Variants in OPN3 observed in about 807,000 individuals in gnomAD.
The protein encoded by OPN3 is opsin-3.
A neutral mutation model predicts 33.8 loss-of-function variants in OPN3; 29 were observed. The observed-to-expected ratio is 0.86, with a 90% CI of 0.64 to 1.17. OPN3 has a LOEUF of 1.17. Among genes scored for constraint, OPN3 ranks in the 50% most tolerant of loss-of-function variants. The probability of loss-of-function intolerance (pLI) is 0.00; values close to 1 mark genes in which losing one functional copy is unlikely to be tolerated. For missense variants in OPN3, 437 were observed against 514.1 expected, an observed-to-expected ratio of 0.85 and a Z score of 1.45; for synonymous variants, 216 against 216.1, an observed-to-expected ratio of 1.00 and a Z score of 0.00.
intron 1 of OPN3, chr1:241,630,260 T>G (rs1451779277): frequency 6.6e-6 from 1 of 152,068 alleles, no homozygotes; most frequent in Non-Finnish European, 1.5e-5. Flanking sequence ...ATGTACTACT[T>G]TTCCACTACA....
chr1:241,612,190 C>A (rs1264507034), intron 1 of OPN3, among the ~76,000 whole-genome samples: 1 of 152,156 alleles, frequency 6.6e-6, no homozygotes, highest in Non-Finnish European at 1.5e-5. Flanking sequence ...TCTGGATGGA[C>A]TGTGTTTCAA....
At chr1:241,625,507 T>A (rs1664395017) in intron 1 of OPN3, among the ~76,000 whole-genome samples, 1 of 152,198 alleles carries the variant, frequency 6.6e-6, no homozygotes, top group South Asian at 2.1e-4. Context: ...CTGGATAAAA[T>A]TATTTTAAAA....
At chr1:241,634,000 A>G (rs776082599) in intron 1 of OPN3, 1 of 1,613,974 alleles carries the variant, frequency 6.2e-7, no homozygotes. Context: ...CTTGCTTGAC[A>G]GCATGCTCAT....
intron 1 of OPN3, among the ~76,000 whole-genome samples, chr1:241,606,571 A>AAATAAATG (rs1663836414): frequency 6.7e-6 from 1 of 150,118 alleles, no homozygotes; most frequent in Non-Finnish European, 1.5e-5. Context: ...ATAAATAAAT[A>AAATAAATG]AATAAATAAA....
At chr1:241,634,035 A>G (rs759790506) in intron 1 of OPN3, 7 of 1,613,644 alleles carry the variant, frequency 4.3e-6, no homozygotes, top group South Asian at 1.1e-5. Context: ...TCAGGCCCAG[A>G]GCAGACATAA....
intron 1 of OPN3, chr1:241,636,194 GC>G (rs1664890477): frequency 2.5e-6 from 1 of 398,196 alleles, no homozygotes; most frequent in South Asian, 1.3e-4. Context: ...CTCTACTAAA[GC>G]ATGTCTTAAA....
chr1:241,614,862 TTGA>T (rs1664084237), intron 1 of OPN3, among the ~76,000 whole-genome samples: 1 of 151,446 alleles, frequency 6.6e-6, no homozygotes, highest in African/African-American at 2.4e-5. Flanking sequence ...CTTAGACTTT[TTGA>T]CTTGCCTCTG....
At chr1:241,619,580 T>C (rs562088728) in intron 1 of OPN3, among the ~76,000 whole-genome samples, 9 of 152,350 alleles carry the variant, frequency 5.9e-5, no homozygotes, top group African/African-American at 1.9e-4. Context: ...TGATGTCATA[T>C]GAAAAGCTCT....
intron 1 of OPN3, among the ~76,000 whole-genome samples, chr1:241,625,971 T>C (rs1398109293): frequency 1.3e-5 from 2 of 152,212 alleles, no homozygotes; most frequent in Non-Finnish European, 2.9e-5. Flanking sequence ...CTCCAGACTT[T>C]GCCAATAAAA....
At position 241,639,874 on chromosome 1, in the gene OPN3, C is replaced by T. The variant is rs1360483850; in HGVS notation, c.373+8G>A. On this transcript the variant is annotated splice_region_variant and intron_variant, in intron 1 of 3. Transcript: ENST00000366554. ...GAGGGGAGGCTGCCTTCTCCCAGTC[C>T]AACTCACCGAAGAGGCTGCCGCTAA... 6.4e-7 allele frequency: 1 copy of T among 1,551,368 alleles called. No homozygotes were observed. The highest frequency in any genetic ancestry group is 8.7e-7 in the Non-Finnish European group (1 of 1,147,770).
chr1:241,607,554 A>G (rs1364858592), intron 1 of OPN3, among the ~76,000 whole-genome samples: 1 of 148,306 alleles, frequency 6.7e-6, no homozygotes, highest in Non-Finnish European at 1.5e-5. Context: ...GAAGGAAGGA[A>G]GGAAGGAAGA....
chr1:241,612,894 A>T (rs1426623398), intron 1 of OPN3, among the ~76,000 whole-genome samples: 1 of 152,072 alleles, frequency 6.6e-6, no homozygotes, highest in Non-Finnish European at 1.5e-5. Context: ...TCCCCTTAAA[A>T]ATCCCAACCC....
At chr1:241,624,590 G>C (rs1664361554) in intron 1 of OPN3, among the ~76,000 whole-genome samples, 1 of 152,214 alleles carries the variant, frequency 6.6e-6, no homozygotes, top group African/African-American at 2.4e-5. Context: ...GAGCGTTCCA[G>C]TACTTACAGA....
chr1:241,611,423 CAG>C (rs1663989980), intron 1 of OPN3, among the ~76,000 whole-genome samples: 2 of 148,772 alleles, frequency 1.3e-5, no homozygotes, highest in Admixed American at 6.7e-5. Context: ...ACACCCAACT[CAG>C]GGTATTTTCT....
At position 241,594,588 on chromosome 1, in the gene OPN3, A is replaced by G; in HGVS notation, c.1049T>C (p.Ile350Thr). ...AAGSEMQIRP[I>T]VMSQKDGDRP... ...GTCCCCATCTTTCTGTGACATCACA[A>G]TGGGTCTGATCTGCATTTCACTTCC... The change falls in exon 4 of 4, where the codon ATT becomes ACT. Residue 350 changes from isoleucine to threonine, a missense_variant. By Grantham distance (89) the Ile-to-Thr change is moderately conservative (BLOSUM62 -1). Transcript: ENST00000366554. 6 of 1,614,136 alleles carry G rather than the reference A, an allele frequency of 3.7e-6. No homozygotes were observed. Among genetic ancestry groups the G allele is most frequent in the Non-Finnish European group, 4.2e-6 (5 of 1,179,996 alleles).
chr1:241,606,546 A>AAAAT (rs10677298), intron 1 of OPN3, among the ~76,000 whole-genome samples: 36,703 of 141,790 alleles, frequency 0.26, 4,929 homozygotes, highest in East Asian at 0.37. Flanking sequence ...ACTCTGATTC[A>AAAAT]AAATAAATAA....
chr1:241,635,390 C>T lies in OPN3; in HGVS notation c.373+4492G>A, dbSNP rs770277898. The T allele has an allele frequency of 3.4e-5, 55 of 1,614,002 alleles. No homozygotes were observed. In the Middle Eastern group the frequency reaches 1.6e-3, roughly 48 times the overall value. On this transcript the variant is annotated intron_variant, in intron 1 of 3. Transcript: ENST00000366554. ...AACTTCAGTGAAGGTATTAGACACC[C>T]CCAAAGAAGGATTTTTCTGCAGAGC...
intron 1 of OPN3, among the ~76,000 whole-genome samples, chr1:241,612,146 T>C (rs887333342): frequency 2.6e-5 from 4 of 152,194 alleles, no homozygotes; most frequent in African/African-American, 9.7e-5. Context: ...ATAACTTATG[T>C]CATCATAGAT....
At chr1:241,629,172 T>C (rs1268045469) in intron 1 of OPN3, 1 of 152,382 alleles carries the variant, frequency 6.6e-6, no homozygotes, top group Non-Finnish European at 1.5e-5. Flanking sequence ...CCCTTAAAGT[T>C]ATCTGAGTGG....
Sources: gnomAD v4.1 joint callset for allele counts (sites outside exome capture counted in the v4.1 genomes callset) on GRCh38, gnomAD v4.1.1 for gene constraint, MANE v1.5 for transcripts, NCBI Gene and HGNC (gene_info 2026-07-23, HGNC 2026-07-21) for gene names.